XCR1: variants seen among roughly 807,000 people sequenced by gnomAD.
The protein encoded by XCR1 is chemokine XC receptor 1.
For synonymous variants in XCR1, 187 were observed against 188.5 expected (o/e 0.99, Z 0.06); for missense variants, 356 against 424.2 (o/e 0.84, Z 1.41).
intron 1 of XCR1, among the ~76,000 whole-genome samples, chr3:46,025,474 T>C (rs375398227): frequency 6.6e-6 from 1 of 152,056 alleles, no homozygotes; most frequent in African/African-American, 2.4e-5. Context: ...TCTAGATTGA[T>C]TGAGAACAAA....
chr3:46,051,519 C>T (rs889204845), intron 5 of XCR1, among the ~76,000 whole-genome samples: 1 of 152,170 alleles, frequency 6.6e-6, no homozygotes, highest in Non-Finnish European at 1.5e-5. Flanking sequence ...TATCCATAAG[C>T]CCATAAAATT....
At chr3:46,079,104 G>A (rs1229269037) in intron 1 of XCR1, among the ~76,000 whole-genome samples, 1 of 152,180 alleles carries the variant, frequency 6.6e-6, no homozygotes, top group Non-Finnish European at 1.5e-5. Context: ...CTGGGCCTTG[G>A]TCATTTTTAA....
intron 3 of XCR1, among the ~76,000 whole-genome samples, chr3:46,073,812 AGCATATGAAAAAAT>A (rs1291923649): frequency 6.6e-6 from 1 of 152,186 alleles, no homozygotes; most frequent in Non-Finnish European, 1.5e-5. Context: ...ATGACCAAAA[AGCATATGAAAAAAT>A]GCTCATTATT....
rs1708156464 is a variant in XCR1 at position 46,021,694 on chromosome 3, G to A, written c.254C>T (p.Pro85Leu). 6.2e-7 allele frequency: 1 copy of A among 1,614,104 alleles called. No homozygotes were observed. Among genetic ancestry groups the A allele is most frequent in the South Asian group, 1.1e-5 (1 of 91,074 alleles). ...LSDLVFACLL[P>L]VWISPYHWGW... ...CCAGTGGTATGGGGAGATCCACACA[G>A]GCAACAAGCAGGCGAACACCAGGTC... is the stretch of plus-strand genomic sequence containing the variant. Residue 85 changes from proline to leucine, a missense_variant, in exon 2 of 2, where the codon CCT becomes CTT. Physicochemically the swap from Pro to Leu is moderately conservative, Grantham distance 98. Transcript: ENST00000309285. This position sits in a 1 kb window ranked among gnomAD's most constrained non-coding sequence, Gnocchi z 4.7.
chr3:46,061,768 T>A (rs1359599817), intron 4 of XCR1, among the ~76,000 whole-genome samples: 1 of 150,998 alleles, frequency 6.6e-6, no homozygotes, highest in Non-Finnish European at 1.5e-5. Flanking sequence ...CCAGAAGGAG[T>A]CATGGGGGTG....
At chr3:46,073,624 C>T (rs12107160) in intron 3 of XCR1, among the ~76,000 whole-genome samples, 13,888 of 151,974 alleles carry the variant, frequency 0.091, 2,152 homozygotes, top group African/African-American at 0.32. Flanking sequence ...AAATAAACAA[C>T]AGAGTGGACA....
chr3:46,079,223 C>T (rs866789784), intron 1 of XCR1, among the ~76,000 whole-genome samples: 1 of 152,130 alleles, frequency 6.6e-6, no homozygotes, highest in Non-Finnish European at 1.5e-5. Context: ...TATGAGACAT[C>T]CTCTTGTAAA....
At chr3:46,037,909 G>A (rs571727638) in intron 5 of XCR1, among the ~76,000 whole-genome samples, 3 of 152,136 alleles carry the variant, frequency 2.0e-5, no homozygotes, top group African/African-American at 7.2e-5. Flanking sequence ...GTACTTGTAC[G>A]GGTCATGTAC....
chr3:46,024,615 A>G (rs937765265), intron 1 of XCR1, among the ~76,000 whole-genome samples: 1 of 152,198 alleles, frequency 6.6e-6, no homozygotes, highest in African/African-American at 2.4e-5. Flanking sequence ...TCTATCATGT[A>G]TTGACTGTAT....
chr3:46,063,332 T>A (rs897216038), intron 4 of XCR1, among the ~76,000 whole-genome samples: 1 of 152,188 alleles, frequency 6.6e-6, no homozygotes, highest in Non-Finnish European at 1.5e-5. Flanking sequence ...GAGAACCTAG[T>A]AAGACCTAAA....
upstream of XCR1, among the ~76,000 whole-genome samples, chr3:46,031,391 T>C (rs1488612519): frequency 6.6e-6 from 1 of 152,238 alleles, no homozygotes; most frequent in African/African-American, 2.4e-5. Context: ...GGGGCCAAGC[T>C]TGGGTGCTGT....
chr3:46,027,588 G>A (rs996847498), upstream of XCR1: 5 of 152,058 alleles, frequency 3.3e-5, no homozygotes, highest in Non-Finnish European at 5.9e-5. Flanking sequence ...TGAGAGAGGA[G>A]GAAGGAAGAA....
chr3:46,085,668 C>T (rs1252097126), intron 1 of XCR1, among the ~76,000 whole-genome samples: 5 of 152,192 alleles, frequency 3.3e-5, no homozygotes, highest in South Asian at 2.1e-4. Context: ...CCCCAATACT[C>T]CCACTCACTT....
Position 46,021,051 on chromosome 3 carries a change from T to C in XCR1, c.897A>G (p.Lys299=). 3.7e-6 allele frequency: 6 copies of C among 1,614,108 alleles called. No homozygotes were observed. Among genetic ancestry groups the C allele is most frequent in the Non-Finnish European group, 5.1e-6 (6 of 1,179,992 alleles). The change falls in exon 2 of 2, where the codon AAA becomes AAG. Residue 299 remains lysine, a synonymous_variant. Transcript: ENST00000309285. The surrounding 1 kb of genome is among the most constrained non-coding windows in gnomAD (Gnocchi z 4.7). Reference sequence around the variant, plus strand: ...AGAACCAGAACTGCCGGAGAACATGTTTCAGGTGTGTGCGGAACTTGACCC... The same window carrying C: ...AGAACCAGAACTGCCGGAGAACATGCTTCAGGTGTGTGCGGAACTTGACCC... ...FVGVKFRTHL[K]HVLRQFWFCR...
chr3:46,056,544 G>T (rs1296527886), intron 4 of XCR1, among the ~76,000 whole-genome samples: 1 of 152,170 alleles, frequency 6.6e-6, no homozygotes, highest in East Asian at 1.9e-4. Flanking sequence ...TGCAATCACA[G>T]CTCGCTGCAG....
At chr3:46,081,706 T>TAA (rs71619625) in intron 1 of XCR1, among the ~76,000 whole-genome samples, 1 of 149,678 alleles carries the variant, frequency 6.7e-6, no homozygotes, top group African/African-American at 2.4e-5. Context: ...TTTTTTTTTT[T>TAA]AAAAATCTTA....
chr3:46,050,016 G>A (rs1425720084), intron 5 of XCR1, among the ~76,000 whole-genome samples: 1 of 152,180 alleles, frequency 6.6e-6, no homozygotes, highest in African/African-American at 2.4e-5. Flanking sequence ...ATTAAAGAAA[G>A]ATAAACTTGC....
Position 46,021,437 on chromosome 3 carries a change from G to A in XCR1, c.511C>T (p.Leu171Phe). The A allele has an allele frequency of 1.2e-6, 2 of 1,614,188 alleles. No homozygotes were observed. Among genetic ancestry groups the A allele is most frequent in the Middle Eastern group, 1.6e-4 (1 of 6,062 alleles). Residue 171 changes from leucine to phenylalanine, a missense_variant, in exon 2 of 2, where the codon CTT becomes TTT. By Grantham distance (22) the Leu-to-Phe change is conservative. Coordinates refer to ENST00000309285, the MANE Select transcript of XCR1 (RefSeq NM_001024644.2). The surrounding 1 kb of genome is among the most constrained non-coding windows in gnomAD (Gnocchi z 4.7). ...SILDTIFHKVLSSGCDYSELT... is the reference protein window; with the variant it reads ...SILDTIFHKVFSSGCDYSELT... Reference sequence around the variant, plus strand: ...TCGGAATAATCACAGCCCGAAGAAAGCACCTTGTGGAAGATGGTGTCGAGG... The same window carrying A: ...TCGGAATAATCACAGCCCGAAGAAAACACCTTGTGGAAGATGGTGTCGAGG...
intron 1 of XCR1, among the ~76,000 whole-genome samples, chr3:46,023,140 C>T (rs561490861): frequency 3.3e-5 from 5 of 152,288 alleles, no homozygotes; most frequent in Middle Eastern, 3.4e-3. Context: ...GCGGCGGCGG[C>T]GCAGGGGGCG....
Sources: allele counts gnomAD v4.1 joint callset (sites outside exome capture counted in the v4.1 genomes callset), GRCh38; gene constraint gnomAD v4.1.1; non-coding constraint Gnocchi (gnomAD v3.1); transcripts MANE v1.5; gene names NCBI Gene and HGNC (gene_info 2026-07-23, HGNC 2026-07-21).